Variants in PREX1 observed in about 807,000 individuals in gnomAD.
PREX1 encodes the protein phosphatidylinositol 3,4,5-trisphosphate-dependent Rac exchanger 1 protein.
PREX1 carries 41 observed loss-of-function variants against 198.3 expected under a neutral mutation model. That is an observed-to-expected ratio of 0.21 (90% CI 0.16 to 0.27). PREX1 has a LOEUF of 0.27. Among genes scored for constraint, PREX1 ranks in the 10% least tolerant of loss-of-function variants. The pLI is 1.00. For missense variants in PREX1, 1,620 were observed against 2,200.7 expected, an observed-to-expected ratio of 0.74 and a Z score of 5.28; for synonymous variants, 843 against 887.2, an observed-to-expected ratio of 0.95 and a Z score of 0.89.
At chr20:48,717,447 G>A (rs748821926) in intron 5 of PREX1, among the ~76,000 whole-genome samples, 2 of 151,764 alleles carry the variant, frequency 1.3e-5, no homozygotes, top group Non-Finnish European at 2.9e-5. Flanking sequence ...CATACCTAGG[G>A]TGACAGCAGA....
In PREX1 at chr20:48,661,419, C is replaced by CAAAAAAAA. The variant is rs1168247790; in HGVS notation, c.1739-1366_1739-1359dup. ...GGGCAACAAGAGCAAAACTCCATCT[C>CAAAAAAAA]AAAAAAAAAAAAAAAAAAAAAAAAA... On this transcript the variant is annotated intron_variant, in intron 15 of 39. Coordinates refer to ENST00000371941, the MANE Select transcript of PREX1 (RefSeq NM_020820.4). 1.2e-3 allele frequency among the ~76,000 whole-genome samples: 15 copies of CAAAAAAAA among 12,026 alleles called. 2 individuals are homozygous for CAAAAAAAA. The highest frequency in any genetic ancestry group is 1.6e-3 in the African/African-American group (4 of 2,428). 7.9% of individuals were successfully genotyped at this position (12,026 alleles called of 152,430 possible). A position where few individuals can be genotyped will look rare whatever the true frequency, so the allele number is the denominator to read the frequency against.
At chr20:48,651,120 C>T in intron 22 of PREX1, 65 bp from the exon 23 acceptor site, 1 of 1,571,440 alleles carries the variant, frequency 6.4e-7, no homozygotes. Context: ...GCGGTTCACC[C>T]ACAGTGACTC....
chr20:48,660,101 A>AC (rs11086257), intron 15 of PREX1, 40 bp from the exon 16 acceptor site: 1 of 1,607,574 alleles, frequency 6.2e-7, no homozygotes, highest in South Asian at 1.1e-5. Context: ...TCAGATTCAC[A>AC]GGGAAAGTTT....
chr20:48,627,734 C>T, intron 38 of PREX1, 119 bp from the exon 39 acceptor site: 1 of 1,399,134 alleles, frequency 7.1e-7, no homozygotes, highest in Non-Finnish European at 1.0e-6. Flanking sequence ...ATCCTTGCTC[C>T]CCTCCAGATT....
the PREX1 span, among the ~76,000 whole-genome samples, chr20:48,870,702 C>G: frequency 1.3e-5 from 2 of 152,002 alleles, no homozygotes; most frequent in African/African-American, 4.8e-5. Context: ...AATCCCAGCA[C>G]TTTGGGAGGC....
At chr20:48,668,876 A>C (rs925177548) in intron 14 of PREX1, among the ~76,000 whole-genome samples, 1 of 152,128 alleles carries the variant, frequency 6.6e-6, no homozygotes, top group African/African-American at 2.4e-5. Context: ...CTAGCTCTGC[A>C]GATGGGAGGC....
chr20:48,796,804 A>G (rs1361926435), intron 1 of PREX1, among the ~76,000 whole-genome samples: 1 of 151,010 alleles, frequency 6.6e-6, no homozygotes, highest in Non-Finnish European at 1.5e-5. Context: ...ATAATTATAT[A>G]CACATGTATA....
the PREX1 span, among the ~76,000 whole-genome samples, chr20:48,875,004 T>C: frequency 3.9e-5 from 6 of 152,202 alleles, no homozygotes; most frequent in Admixed American, 3.9e-4. Flanking sequence ...AGCCAGAAGC[T>C]AGTATCCCTG....
At chr20:48,882,368 G>A in the PREX1 span, among the ~76,000 whole-genome samples, 24 of 151,772 alleles carry the variant, frequency 1.6e-4, no homozygotes. Flanking sequence ...CGGGTGTGGT[G>A]GCGGGCGCCT....
At chr20:48,687,857 G>A (rs2089794432) in intron 10 of PREX1, among the ~76,000 whole-genome samples, 1 of 152,144 alleles carries the variant, frequency 6.6e-6, no homozygotes, top group African/African-American at 2.4e-5. Context: ...TTGAACTCCA[G>A]TTATAAAATG....
chr20:48,808,114 C>G (rs1260402740), intron 1 of PREX1, among the ~76,000 whole-genome samples: 1 of 152,156 alleles, frequency 6.6e-6, no homozygotes, highest in African/African-American at 2.4e-5. Context: ...ATTCAAAGCT[C>G]TGTGTGTGGG....
chr20:48,728,045 C>T (rs59078959), intron 4 of PREX1, among the ~76,000 whole-genome samples: 1 of 152,174 alleles, frequency 6.6e-6, no homozygotes, highest in African/African-American at 2.4e-5. Flanking sequence ...CACCCACCAG[C>T]ACATCCAGCC....
chr20:48,851,463 C>T, the PREX1 span, among the ~76,000 whole-genome samples: 3 of 152,052 alleles, frequency 2.0e-5, no homozygotes, highest in Non-Finnish European at 2.9e-5. Flanking sequence ...GCTGAGATCA[C>T]GCCATTGCAC....
intron 1 of PREX1, among the ~76,000 whole-genome samples, chr20:48,767,692 G>A (rs1056295841): frequency 2.6e-5 from 4 of 152,068 alleles, no homozygotes; most frequent in African/African-American, 2.4e-5. Flanking sequence ...CCCCAGAGTC[G>A]TGTGTCTCAT....
In PREX1 at chr20:48,827,677, T is replaced by C; in HGVS notation, c.184A>G (p.Arg62Gly). Reference sequence around the variant, plus strand: ...AAGCGCAAGGTGCCCACGTAGTCCCTCTCGGTGCCCAAGATCTCGTTGAGG... The same window carrying C: ...AAGCGCAAGGTGCCCACGTAGTCCCCCTCGGTGCCCAAGATCTCGTTGAGG... Reference protein sequence around the residue: ...CVLNEILGTERDYVGTLRFLQ... With the variant: ...CVLNEILGTEGDYVGTLRFLQ... The change falls in exon 1 of 40, where the codon AGG becomes GGG. Residue 62 changes from arginine (R) to glycine (G), a missense_variant. Coordinates refer to ENST00000371941, the MANE Select transcript of PREX1 (RefSeq NM_020820.4). The surrounding 1 kb of genome is among the most constrained non-coding windows in gnomAD (Gnocchi z 4.1). 4 of 1,366,946 alleles carry C rather than the reference T, an allele frequency of 2.9e-6. No individual in the cohort carries two copies. Among genetic ancestry groups the C allele is most frequent in the Non-Finnish European group, 3.8e-6 (4 of 1,048,382 alleles). The allele number at this position is 1,366,946 out of a possible 1,614,324, so 84.7% of individuals were successfully genotyped here.
chr20:48,679,159 T>C (rs1285144320), intron 13 of PREX1, among the ~76,000 whole-genome samples: 1 of 152,238 alleles, frequency 6.6e-6, no homozygotes, highest in African/African-American at 2.4e-5. Flanking sequence ...GCTCCAGAAC[T>C]GACACCTGCA....
chr20:48,766,307 T>C (rs958103564), intron 1 of PREX1, among the ~76,000 whole-genome samples: 2 of 152,144 alleles, frequency 1.3e-5, no homozygotes, highest in African/African-American at 4.8e-5. Context: ...ACCACTGGCC[T>C]AGATCACTTA....
At chr20:48,657,336 A>C in intron 17 of PREX1, 148 bp from the exon 18 acceptor site, 1 of 982,200 alleles carries the variant, frequency 1.0e-6, no homozygotes, top group Non-Finnish European at 1.5e-6. Context: ...TGTGGTAAGC[A>C]GTTGAGGGGC....
At chr20:48,740,076 G>A (rs935342267) in intron 3 of PREX1, among the ~76,000 whole-genome samples, 17 of 152,198 alleles carry the variant, frequency 1.1e-4, no homozygotes, top group Non-Finnish European at 2.4e-4. Flanking sequence ...TAGCGGGCTG[G>A]ACTGTGGGCC....
Sources: gnomAD v4.1 joint callset for allele counts (sites outside exome capture counted in the v4.1 genomes callset) on GRCh38, gnomAD v4.1.1 for gene constraint, Gnocchi (gnomAD v3.1) non-coding constraint, MANE v1.5 for transcripts, NCBI Gene and HGNC (gene_info 2026-07-23, HGNC 2026-07-21) for gene names.